Variants in ZNF385D observed in about 807,000 individuals in gnomAD.
The protein encoded by ZNF385D is zinc finger protein 385D.
Under a neutral mutation model 35.8 loss-of-function variants are expected in ZNF385D, and 15 were observed. The ratio of observed to expected loss-of-function variants is 0.42; its 90% CI spans 0.28 to 0.64. The LOEUF (loss-of-function observed/expected upper bound fraction) is 0.64. Ranked by LOEUF, ZNF385D falls within the 30% of genes least tolerant of loss-of-function variation. The pLI is 0.23. For synonymous variants in ZNF385D, 212 were observed against 186.8 expected, an observed-to-expected ratio of 1.13 and a Z score of -1.10; for missense variants, 474 against 494.6, an observed-to-expected ratio of 0.96 and a Z score of 0.39.
At chr3:22,369,467 C>G (rs1696802133) in intron 2 of ZNF385D, among the ~76,000 whole-genome samples, 1 of 152,044 alleles carries the variant, frequency 6.6e-6, no homozygotes, top group Non-Finnish European at 1.5e-5. Context: ...ACCTCCTTAA[C>G]TACTGCCAAA....
chr3:22,248,059 G>A (rs1699881069), intron 2 of ZNF385D, among the ~76,000 whole-genome samples: 2 of 152,094 alleles, frequency 1.3e-5, no homozygotes, highest in South Asian at 4.1e-4. Flanking sequence ...ACACTATCTG[G>A]TAGCCCTCAA....
At chr3:21,894,422 A>T (rs1380862932) in intron 3 of ZNF385D, among the ~76,000 whole-genome samples, 1 of 152,216 alleles carries the variant, frequency 6.6e-6, no homozygotes, top group African/African-American at 2.4e-5. Context: ...AGCCAAAAAC[A>T]TCCCTGAGTT....
chr3:21,551,041 C>T (rs1052672345), intron 3 of ZNF385D, among the ~76,000 whole-genome samples: 4 of 152,062 alleles, frequency 2.6e-5, no homozygotes, highest in Non-Finnish European at 4.4e-5. Flanking sequence ...TGAATTGTTG[C>T]GTGTGTCTGA....
intron 3 of ZNF385D, among the ~76,000 whole-genome samples, chr3:21,994,167 G>C (rs952179835): frequency 3.9e-5 from 6 of 152,144 alleles, no homozygotes; most frequent in Non-Finnish European, 7.4e-5. Context: ...TTGACTACAG[G>C]TGTGTTCCTG....
At chr3:21,809,550 A>G (rs1044568097) in intron 3 of ZNF385D, among the ~76,000 whole-genome samples, 1 of 151,570 alleles carries the variant, frequency 6.6e-6, no homozygotes, top group Non-Finnish European at 1.5e-5. Flanking sequence ...TTAAGAATGT[A>G]TATAACCCCT....
intron 3 of ZNF385D, among the ~76,000 whole-genome samples, chr3:21,562,793 G>A (rs1257811835): frequency 6.7e-6 from 1 of 149,778 alleles, no homozygotes; most frequent in African/African-American, 2.5e-5. Context: ...AGTTGAAGCT[G>A]TTGAGTTTAG....
chr3:21,625,501 T>A (rs1193543127), intron 2 of ZNF385D, among the ~76,000 whole-genome samples: 7 of 152,196 alleles, frequency 4.6e-5, no homozygotes, highest in Middle Eastern at 3.4e-3. Flanking sequence ...CCTTCACTGA[T>A]GGCTATAGAA....
At chr3:21,960,685 T>C (rs903860748) in intron 3 of ZNF385D, among the ~76,000 whole-genome samples, 6 of 152,108 alleles carry the variant, frequency 3.9e-5, no homozygotes, top group African/African-American at 1.4e-4. Flanking sequence ...GGAGTTAACC[T>C]AAATATTAAT....
At chr3:21,886,637 C>T (rs1195438111) in intron 3 of ZNF385D, among the ~76,000 whole-genome samples, 1 of 152,082 alleles carries the variant, frequency 6.6e-6, no homozygotes, top group Non-Finnish European at 1.5e-5. Context: ...ATTGTCTGTA[C>T]TGAACTGGAG....
chr3:22,009,608 G>C (rs1386534284), intron 3 of ZNF385D, among the ~76,000 whole-genome samples: 1 of 138,386 alleles, frequency 7.2e-6, no homozygotes, highest in Non-Finnish European at 1.5e-5. Flanking sequence ...GGGCAACAGA[G>C]TGAGACTCTG....
At chr3:21,916,243 T>G (rs1346308741) in intron 3 of ZNF385D, among the ~76,000 whole-genome samples, 1 of 152,116 alleles carries the variant, frequency 6.6e-6, no homozygotes, top group East Asian at 1.9e-4. Flanking sequence ...TCAAAAGTAA[T>G]AAAGCTTTTC....
At chr3:21,694,107 G>T (rs1344502910) in intron 1 of ZNF385D, among the ~76,000 whole-genome samples, 8 of 138,114 alleles carry the variant, frequency 5.8e-5, no homozygotes, top group Non-Finnish European at 6.1e-5. Flanking sequence ...ACAGTGGCGC[G>T]ATCTCGGCTC....
intron 2 of ZNF385D, among the ~76,000 whole-genome samples, chr3:22,326,700 T>A (rs1486151012): frequency 2.0e-5 from 3 of 152,154 alleles, no homozygotes; most frequent in Non-Finnish European, 4.4e-5. Context: ...CATTTCTGTT[T>A]TAAAACATTT....
chr3:22,299,388 C>T (rs1396596690), intron 2 of ZNF385D, among the ~76,000 whole-genome samples: 1 of 151,498 alleles, frequency 6.6e-6, no homozygotes, highest in Non-Finnish European at 1.5e-5. Context: ...AATATTTTTC[C>T]TACCAAAAGA....
chr3:22,154,014 AG>A lies in ZNF385D; in HGVS notation c.325+14802del, dbSNP rs1211735880. Reference sequence around the variant, plus strand: ...CTTTAGTTTTAGCATCCAGTCCTTTAGCTTACTTTCCATTTCATTTTCTTGT... The same window carrying A: ...CTTTAGTTTTAGCATCCAGTCCTTTACTTACTTTCCATTTCATTTTCTTGT... On this transcript the variant is annotated intron_variant, in intron 3 of 5. Transcript: ENST00000494108. 3.3e-5 allele frequency among the ~76,000 whole-genome samples: 5 copies of A among 152,206 alleles called. No homozygotes were observed. The East Asian group carries it at 9.7e-4, about 29-fold the overall frequency.
rs571850725 is a variant in ZNF385D, at chr3:21,830,398, T to A, written c.326-165370A>T. ...ACCAGTGTTGACATAGCTGTCACCA[T>A]CCTAGAGTAGACATGCATAGATTTA... On this transcript the variant is annotated intron_variant, in intron 3 of 5. Coordinates refer to the ZNF385D transcript ENST00000494108. Among the ~76,000 whole-genome samples the A allele has an allele frequency of 9.2e-5, 14 of 152,308 alleles. No individual in the cohort carries two copies. In the South Asian group the frequency reaches 2.7e-3, roughly 29 times the overall value.
chr3:21,970,067 C>T (rs1703151755), intron 3 of ZNF385D, among the ~76,000 whole-genome samples: 1 of 152,086 alleles, frequency 6.6e-6, no homozygotes, highest in South Asian at 2.1e-4. Context: ...CACCCAAGAC[C>T]ATCTGAATAC....
At chr3:21,424,313 A>AAT (rs373726827) in intron 6 of ZNF385D, among the ~76,000 whole-genome samples, 2 of 50,926 alleles carry the variant, frequency 3.9e-5, no homozygotes, top group Admixed American at 3.5e-4. Flanking sequence ...ATATATATAT[A>AAT]TATATTTTTT....
At chr3:22,267,442 A>C (rs774064113) in intron 2 of ZNF385D, among the ~76,000 whole-genome samples, 12 of 151,978 alleles carry the variant, frequency 7.9e-5, no homozygotes, top group Admixed American at 2.0e-4. Context: ...GTAAAGAATA[A>C]CTTGCATGTA....
Sources: gnomAD v4.1 joint callset for allele counts (sites outside exome capture counted in the v4.1 genomes callset) on GRCh38, gnomAD v4.1.1 for gene constraint, MANE v1.5 for transcripts, NCBI Gene and HGNC (gene_info 2026-07-23, HGNC 2026-07-21) for gene names.